Variants in CDH18 observed in about 807,000 individuals in gnomAD.
CDH18 encodes the protein cadherin 18.
Under a neutral mutation model 67.9 loss-of-function variants are expected in CDH18, and 31 were observed. The observed-to-expected ratio is 0.46, with a 90% CI of 0.34 to 0.62. The LOEUF (loss-of-function observed/expected upper bound fraction) is 0.62. CDH18 is among the 20% of genes least tolerant of loss of function. The pLI, the probability that CDH18 is intolerant of heterozygous loss-of-function variation, is 0.01. For missense variants in CDH18, 890 were observed against 975.5 expected, an observed-to-expected ratio of 0.91 and a Z score of 1.17; for synonymous variants, 362 against 347.2, an observed-to-expected ratio of 1.04 and a Z score of -0.48.
At chr5:20,464,401 A>G (rs1159210156) in intron 1 of CDH18, among the ~76,000 whole-genome samples, 1 of 152,142 alleles carries the variant, frequency 6.6e-6, no homozygotes, top group Non-Finnish European at 1.5e-5. Context: ...ACATAAATCA[A>G]TGATTAGAGT....
intron 1 of CDH18, among the ~76,000 whole-genome samples, chr5:20,523,297 T>A (rs1161096139): frequency 6.6e-6 from 1 of 152,234 alleles, no homozygotes; most frequent in Non-Finnish European, 1.5e-5. Context: ...TTAATTGGTC[T>A]GTAAGCCTGT....
intron 7 of CDH18, among the ~76,000 whole-genome samples, chr5:19,577,815 C>T (rs1293429890): frequency 1.3e-5 from 2 of 152,142 alleles, no homozygotes; most frequent in African/African-American, 4.8e-5. Context: ...ATGAATATGG[C>T]AAATCATGCA....
At chr5:19,597,541 C>A (rs376827923) in intron 6 of CDH18, among the ~76,000 whole-genome samples, 1 of 151,992 alleles carries the variant, frequency 6.6e-6, no homozygotes, top group African/African-American at 2.4e-5. Flanking sequence ...AAACATGATT[C>A]TATTGCACCC....
At chr5:19,618,725 G>T (rs1177713231) in intron 5 of CDH18, among the ~76,000 whole-genome samples, 1 of 152,072 alleles carries the variant, frequency 6.6e-6, no homozygotes, top group Non-Finnish European at 1.5e-5. Flanking sequence ...CATAAGTTTT[G>T]TGACAAGTTG....
intron 5 of CDH18, among the ~76,000 whole-genome samples, chr5:19,701,106 G>A (rs1190580399): frequency 6.6e-6 from 1 of 151,916 alleles, no homozygotes; most frequent in Non-Finnish European, 1.5e-5. Flanking sequence ...TAAAAATATG[G>A]CTAAAATATC....
intron 8 of CDH18, among the ~76,000 whole-genome samples, chr5:19,559,079 T>G (rs550121236): frequency 7.0e-4 from 107 of 152,256 alleles, no homozygotes; most frequent in African/African-American, 2.5e-3. Flanking sequence ...TGGATCTTCT[T>G]GCTTCTCTTC....
At chr5:19,503,652 T>C (rs1409706688) in intron 10 of CDH18, among the ~76,000 whole-genome samples, 2 of 152,082 alleles carry the variant, frequency 1.3e-5, no homozygotes, top group Admixed American at 1.3e-4. Context: ...ATGTCTAAAA[T>C]AATGGCAGAG....
chr5:20,381,182 G>A lies in CDH18; in HGVS notation c.-579-125677C>T, dbSNP rs550628869. Among the ~76,000 whole-genome samples the A allele has an allele frequency of 5.9e-5, 9 of 152,200 alleles. No homozygotes were observed. The South Asian group carries it at 1.0e-3, about 18-fold the overall frequency. On this transcript the variant is annotated intron_variant, in intron 1 of 14. Coordinates refer to the CDH18 transcript ENST00000507958. ...AGAAGGCACAAAAGAAAAAATACCC[G>A]TCAGTATCTTGATTTTAATCTAGTC...
intron 5 of CDH18, among the ~76,000 whole-genome samples, chr5:19,633,626 T>C (rs961665276): frequency 1.3e-5 from 2 of 151,946 alleles, no homozygotes; most frequent in African/African-American, 2.4e-5. Context: ...TGTTTTTGAT[T>C]TGTTTTCATT....
chr5:20,163,127 T>C (rs1736018613), intron 2 of CDH18, among the ~76,000 whole-genome samples: 2 of 152,094 alleles, frequency 1.3e-5, no homozygotes, highest in African/African-American at 4.8e-5. Context: ...TCAATCATTA[T>C]AAATATTTCC....
intron 5 of CDH18, among the ~76,000 whole-genome samples, chr5:19,622,010 A>C (rs772002279): frequency 6.6e-6 from 1 of 152,222 alleles, no homozygotes; most frequent in Admixed American, 6.5e-5. Flanking sequence ...TTGTCTTAAT[A>C]ATTGTTGTTT....
intron 2 of CDH18, among the ~76,000 whole-genome samples, chr5:20,014,709 C>A (rs1350548595): frequency 6.6e-6 from 1 of 152,098 alleles, no homozygotes; most frequent in African/African-American, 2.4e-5. Flanking sequence ...GGAAGTGGAA[C>A]ATAAGTAGAA....
At chr5:20,474,639 A>C (rs1278935129) in intron 1 of CDH18, among the ~76,000 whole-genome samples, 4 of 152,226 alleles carry the variant, frequency 2.6e-5, no homozygotes, top group African/African-American at 7.2e-5. Flanking sequence ...ATGAATGTCT[A>C]AAAAGAAATA....
chr5:20,229,134 A>G (rs1322880593), intron 2 of CDH18, among the ~76,000 whole-genome samples: 1 of 152,120 alleles, frequency 6.6e-6, no homozygotes, highest in Admixed American at 6.6e-5. Context: ...CCTGGAGAAC[A>G]TTAAATGGCT....
chr5:19,526,363 G>C (rs998896052), intron 9 of CDH18, among the ~76,000 whole-genome samples: 1 of 152,122 alleles, frequency 6.6e-6, no homozygotes. Context: ...CCCCTCTAGA[G>C]ATAGTGATAC....
chr5:20,167,672 G>C (rs1162357677), intron 2 of CDH18, among the ~76,000 whole-genome samples: 1 of 152,090 alleles, frequency 6.6e-6, no homozygotes. Flanking sequence ...AAAGAGACAT[G>C]TGAATGTGCA....
At chr5:20,163,893 A>C (rs1486189462) in intron 2 of CDH18, among the ~76,000 whole-genome samples, 1 of 152,216 alleles carries the variant, frequency 6.6e-6, no homozygotes, top group Non-Finnish European at 1.5e-5. Context: ...AAATATTGAC[A>C]TTTGCACAAT....
chr5:19,566,566 G>A (rs1209259303), intron 8 of CDH18, among the ~76,000 whole-genome samples: 1 of 152,174 alleles, frequency 6.6e-6, no homozygotes, highest in Non-Finnish European at 1.5e-5. Flanking sequence ...CAAGTGAAAG[G>A]TGAAACCCCT....
At chr5:19,644,362 G>A (rs552735950) in intron 5 of CDH18, among the ~76,000 whole-genome samples, 1 of 151,606 alleles carries the variant, frequency 6.6e-6, no homozygotes, top group Admixed American at 6.6e-5. Context: ...ATCCCATCAT[G>A]GTTTGATTTC....
Sources: allele counts gnomAD v4.1 joint callset (sites outside exome capture counted in the v4.1 genomes callset), GRCh38; gene constraint gnomAD v4.1.1; transcripts MANE v1.5; gene names NCBI Gene and HGNC (gene_info 2026-07-23, HGNC 2026-07-21).